Variants in GAB2 observed in about 807,000 individuals in gnomAD.
The protein encoded by GAB2 is GRB2-associated-binding protein 2.
In GAB2, 26 loss-of-function variants were observed where a neutral mutation model predicts 65.5. The ratio of observed to expected loss-of-function variants is 0.40; its 90% CI spans 0.29 to 0.55. The LOEUF (loss-of-function observed/expected upper bound fraction) is 0.55. GAB2 is among the 20% of genes least tolerant of loss of function. The pLI, the probability that GAB2 is intolerant of heterozygous loss-of-function variation, is 0.53. For missense variants in GAB2, 884 were observed against 875.8 expected, an observed-to-expected ratio of 1.01 and a Z score of -0.12; for synonymous variants, 321 against 329.6, an observed-to-expected ratio of 0.97 and a Z score of 0.28.
intron 2 of GAB2, among the ~76,000 whole-genome samples, chr11:78,276,349 G>A (rs1007675018): frequency 1.2e-4 from 19 of 152,144 alleles, no homozygotes; most frequent in African/African-American, 3.1e-4. Context: ...GGGCTCAAGC[G>A]ATCTTCCTGT....
intron 1 of GAB2, among the ~76,000 whole-genome samples, chr11:78,287,150 C>A (rs999432543): frequency 1.3e-5 from 2 of 152,052 alleles, no homozygotes; most frequent in South Asian, 4.1e-4. Context: ...TCTTTCAATG[C>A]AAAAAATATT....
At chr11:78,376,441 C>A (rs982609874) in intron 1 of GAB2, among the ~76,000 whole-genome samples, 1 of 152,192 alleles carries the variant, frequency 6.6e-6, no homozygotes, top group Non-Finnish European at 1.5e-5. Context: ...ATTAGCCTCA[C>A]TTTAAGGATG....
rs190167322 is a variant in GAB2, at chr11:78,236,311, T to G, written c.621-9260A>C. ...TATCTTGTGACCTTGCTAAACTCAC[T>G]TAAAAATTTTTTTGTTGTTAAAATA... On this transcript the variant is annotated intron_variant, in intron 3 of 9. Coordinates refer to ENST00000361507, the MANE Select transcript of GAB2 (RefSeq NM_080491.3). Among the ~76,000 whole-genome samples, 45 of 152,360 alleles carry G rather than the reference T, an allele frequency of 3.0e-4. No homozygotes were observed. In the East Asian group the frequency reaches 8.3e-3, roughly 28 times the overall value.
intron 1 of GAB2, among the ~76,000 whole-genome samples, chr11:78,415,402 A>G (rs1009663470): frequency 2.0e-5 from 3 of 152,196 alleles, no homozygotes; most frequent in African/African-American, 7.2e-5. Context: ...TCGGGCCTCT[A>G]CTGAAATAAG....
intron 1 of GAB2, among the ~76,000 whole-genome samples, chr11:78,397,739 C>G (rs1211456716): frequency 6.6e-6 from 1 of 152,136 alleles, no homozygotes; most frequent in Admixed American, 6.5e-5. Flanking sequence ...TACATTCAAG[C>G]TGCTTCCCCA....
chr11:78,389,766 A>C (rs540042409), intron 1 of GAB2, among the ~76,000 whole-genome samples: 7 of 152,314 alleles, frequency 4.6e-5, no homozygotes, highest in Admixed American at 1.3e-4. Flanking sequence ...AACAGAATTG[A>C]GACACCATAA....
intron 1 of GAB2, among the ~76,000 whole-genome samples, chr11:78,359,604 T>C (rs1176817174): frequency 6.6e-6 from 1 of 151,962 alleles, no homozygotes; most frequent in African/African-American, 2.4e-5. Flanking sequence ...AGATGGAAGG[T>C]CTGACATAAA....
intron 1 of GAB2, among the ~76,000 whole-genome samples, chr11:78,300,501 C>T (rs1376784778): frequency 8.2e-6 from 1 of 121,902 alleles, no homozygotes; most frequent in East Asian, 2.5e-4. Context: ...CATAGTAAGT[C>T]TACGTTTAAT....
intron 3 of GAB2, among the ~76,000 whole-genome samples, chr11:78,240,171 C>CT (rs1168824705): frequency 2.0e-5 from 3 of 152,156 alleles, no homozygotes; most frequent in African/African-American, 7.2e-5. Flanking sequence ...CCAGTGGCTG[C>CT]ATCCTAGGAA....
At chr11:78,309,901 C>G (rs549056697) in intron 1 of GAB2, among the ~76,000 whole-genome samples, 1 of 147,184 alleles carries the variant, frequency 6.8e-6, no homozygotes, top group Non-Finnish European at 1.5e-5. Context: ...AGTCCCAGTA[C>G]GGTTCACTTT....
chr11:78,372,819 A>C (rs566207447), intron 1 of GAB2, among the ~76,000 whole-genome samples: 2 of 152,182 alleles, frequency 1.3e-5, no homozygotes, highest in East Asian at 1.9e-4. Flanking sequence ...TCACCAACCT[A>C]CCCCACTCCC....
intron 1 of GAB2, among the ~76,000 whole-genome samples, chr11:78,360,504 T>G (rs1856419943): frequency 6.6e-6 from 1 of 152,116 alleles, no homozygotes; most frequent in East Asian, 1.9e-4. Flanking sequence ...ATGTATGTGC[T>G]GATAAAGAGC....
chr11:78,402,446 T>G (rs1327762866), intron 1 of GAB2, among the ~76,000 whole-genome samples: 3 of 152,118 alleles, frequency 2.0e-5, no homozygotes, highest in Non-Finnish European at 4.4e-5. Flanking sequence ...TTTTTTTTTT[T>G]GAGACAGAGT....
At chr11:78,367,757 G>C (rs1316504882) in intron 1 of GAB2, among the ~76,000 whole-genome samples, 1 of 151,842 alleles carries the variant, frequency 6.6e-6, no homozygotes, top group South Asian at 2.1e-4. Flanking sequence ...AAGGAGGTGA[G>C]AGCATTTAGC....
chr11:78,308,117 A>G (rs1017856738), intron 1 of GAB2, among the ~76,000 whole-genome samples: 1 of 152,214 alleles, frequency 6.6e-6, no homozygotes, highest in African/African-American at 2.4e-5. Flanking sequence ...GCTTGGGCCT[A>G]TAACACTTAC....
At chr11:78,323,063 C>T (rs933790793) in intron 1 of GAB2, among the ~76,000 whole-genome samples, 1 of 152,166 alleles carries the variant, frequency 6.6e-6, no homozygotes, top group Non-Finnish European at 1.5e-5. Flanking sequence ...GACAGGGAAT[C>T]AACCTAGGTG....
intron 1 of GAB2, among the ~76,000 whole-genome samples, chr11:78,295,787 G>C (rs1269749951): frequency 6.6e-6 from 1 of 152,180 alleles, no homozygotes; most frequent in Non-Finnish European, 1.5e-5. Flanking sequence ...GTTTTGCTGG[G>C]TGAAGAAAAA....
rs543025090 is a variant in GAB2, at chr11:78,279,196, G to C, written c.376+1405C>G. Reference sequence around the variant, plus strand: ...AAGATAAAAATCACAGAATTCCTAGGTTAGGATATCTAGTTCAGGAATGAC... The same window carrying C: ...AAGATAAAAATCACAGAATTCCTAGCTTAGGATATCTAGTTCAGGAATGAC... On this transcript the variant is annotated intron_variant, in intron 2 of 9. Coordinates refer to ENST00000361507, the MANE Select transcript of GAB2 (RefSeq NM_080491.3). 4.1e-4 allele frequency among the ~76,000 whole-genome samples: 62 copies of C among 152,252 alleles called. No individual in the cohort carries two copies. The South Asian group carries it at 7.3e-3, about 18-fold the overall frequency.
intron 2 of GAB2, among the ~76,000 whole-genome samples, chr11:78,274,323 G>C (rs945046322): frequency 2.0e-5 from 3 of 152,212 alleles, no homozygotes; most frequent in Non-Finnish European, 2.9e-5. Flanking sequence ...GAAAGGAAAA[G>C]AGGGAGTATC....
Sources: allele counts gnomAD v4.1 joint callset (sites outside exome capture counted in the v4.1 genomes callset), GRCh38; gene constraint gnomAD v4.1.1; transcripts MANE v1.5; gene names NCBI Gene and HGNC (gene_info 2026-07-23, HGNC 2026-07-21).